LYRM1: variants seen among roughly 807,000 people sequenced by gnomAD.
The protein encoded by LYRM1 is LYR motif containing 1, also known as LYR motif-containing protein 1.
A neutral mutation model predicts 14.9 loss-of-function variants in LYRM1; 14 were observed. The ratio of observed to expected loss-of-function variants is 0.94; its 90% CI spans 0.62 to 1.47. The LOEUF (loss-of-function observed/expected upper bound fraction) is 1.47, where lower values mean the gene tolerates loss of function less well. LYRM1 is among the 40% of genes most tolerant of loss of function. The pLI is 0.00. For missense variants in LYRM1, 153 were observed against 149.9 expected (o/e 1.02, Z -0.11); for synonymous variants, 43 against 56.2 (o/e 0.77, Z 1.05).
intron 1 of LYRM1, among the ~76,000 whole-genome samples, chr16:20,910,350 CTT>C (rs749881164): frequency 3.6e-4 from 55 of 152,312 alleles, no homozygotes; most frequent in Admixed American, 7.2e-4. Context: ...ATCTTTGAAA[CTT>C]GGGTTTTCTG....
rs1484192957 is a variant in LYRM1, at chr16:20,923,980, A to C, written c.253-20A>C. ...GCAATGATGATGAATATGATTCTTC[A>C]TATTATTGTTCTTATTCAGATTCAT... On this transcript the variant is annotated intron_variant, in intron 3 of 3. Transcript: ENST00000567954. The C allele has an allele frequency of 6.8e-6, 9 of 1,321,342 alleles. No homozygotes were observed. Among genetic ancestry groups the C allele is most frequent in the Non-Finnish European group, 9.7e-6 (9 of 924,174 alleles). 81.9% of individuals were successfully genotyped at this position (1,321,342 alleles called of 1,614,324 possible).
intron 2 of LYRM1, among the ~76,000 whole-genome samples, chr16:20,917,105 A>G (rs188315649): frequency 1.3e-3 from 201 of 151,182 alleles, no homozygotes; most frequent in Non-Finnish European, 2.3e-3. Context: ...ATCTGCAGCA[A>G]CTTCCCCTTC....
intron 2 of LYRM1, among the ~76,000 whole-genome samples, chr16:20,917,260 C>A (rs1305700453): frequency 6.6e-6 from 1 of 152,094 alleles, no homozygotes; most frequent in Admixed American, 6.6e-5. Context: ...ATATGTACCC[C>A]ATGAGGTCCT....
intron 3 of LYRM1, 104 bp from the exon 4 acceptor site, chr16:20,923,896 C>T: frequency 1.6e-6 from 1 of 633,938 alleles, no homozygotes; most frequent in South Asian, 2.0e-5. Flanking sequence ...AATGTAGATA[C>T]AGCACTTAGC....
chr16:20,909,309 A>G (rs1190108515), intron 1 of LYRM1, among the ~76,000 whole-genome samples: 1 of 152,234 alleles, frequency 6.6e-6, no homozygotes, highest in East Asian at 1.9e-4. Context: ...CTTTCCAGGC[A>G]CACCTCATAT....
chr16:20,915,676 C>T lies in LYRM1; in HGVS notation c.121C>T (p.Leu41=), dbSNP rs35566731. Residue 41 remains leucine, a synonymous_variant, in exon 2 of 4, where the codon CTA becomes TTA. Transcript: ENST00000567954. ...EDTIKEKQYI[L]NEARTLFRKN... ...CACCATCAAAGAAAAACAGTACATA[C>T]TAAATGAAGCCAGAACGCTGTTCCG... 3,922 of 1,614,138 alleles carry T rather than the reference C, an allele frequency of 2.4e-3. 96 individuals carry two copies. In the African/African-American group the frequency reaches 0.047, roughly 19 times the overall value.
intron 1 of LYRM1, among the ~76,000 whole-genome samples, chr16:20,913,423 G>A (rs927134107): frequency 6.7e-6 from 1 of 150,082 alleles, no homozygotes; most frequent in Non-Finnish European, 1.5e-5. Context: ...GGTGATTCTC[G>A]TGCCTCAGCC....
At chr16:20,917,107 T>A (rs907381594) in intron 2 of LYRM1, among the ~76,000 whole-genome samples, 2 of 150,856 alleles carry the variant, frequency 1.3e-5, no homozygotes, top group African/African-American at 4.9e-5. Context: ...CTGCAGCAAC[T>A]TCCCCTTCTC....
Position 20,901,610 on chromosome 16 carries a change from G to A in LYRM1, c.-1+721G>A, listed in dbSNP as rs117120550. Among the ~76,000 whole-genome samples, 196 of 152,358 alleles carry A rather than the reference G, an allele frequency of 1.3e-3. 3 individuals are homozygous for A. In the East Asian group the frequency reaches 0.036, roughly 28 times the overall value. ...AAGCAAACAGAGCCAGGGCCGGAGT[G>A]CCCTGTGATGTAGTTGGGGAAGTGG... is the stretch of plus-strand genomic sequence containing the variant. On this transcript the variant is annotated intron_variant, in intron 1 of 3. Transcript: ENST00000567954. The surrounding 1 kb of genome is among the most constrained non-coding windows in gnomAD (Gnocchi z 4.6).
chr16:20,916,674 G>A (rs757987052), intron 2 of LYRM1, among the ~76,000 whole-genome samples: 2 of 152,122 alleles, frequency 1.3e-5, no homozygotes, highest in Admixed American at 6.5e-5. Context: ...ACCTCACCAC[G>A]GCTCAATGGT....
chr16:20,905,074 G>A (rs1419934314), intron 1 of LYRM1, among the ~76,000 whole-genome samples: 1 of 152,140 alleles, frequency 6.6e-6, no homozygotes, highest in Non-Finnish European at 1.5e-5. Context: ...AACAGCTTTA[G>A]GAAAATCCAT....
intron 2 of LYRM1, among the ~76,000 whole-genome samples, chr16:20,916,740 G>C (rs1378782518): frequency 6.6e-6 from 1 of 152,128 alleles, no homozygotes; most frequent in Non-Finnish European, 1.5e-5. Context: ...TGGCCCATTG[G>C]TGTCACAGCT....
chr16:20,910,572 C>A (rs1250494651), intron 1 of LYRM1, among the ~76,000 whole-genome samples: 1 of 152,140 alleles, frequency 6.6e-6, no homozygotes, highest in Non-Finnish European at 1.5e-5. Context: ...AACAGTGATT[C>A]TTAGAGTCAT....
At chr16:20,912,725 T>C (rs1212069891) in intron 1 of LYRM1, among the ~76,000 whole-genome samples, 1 of 152,052 alleles carries the variant, frequency 6.6e-6, no homozygotes, top group Non-Finnish European at 1.5e-5. Flanking sequence ...CTTATGAATG[T>C]TATGGGCAAA....
In LYRM1 at chr16:20,901,929, T is replaced by C. The variant is rs188992691; in HGVS notation, c.-1+1040T>C. ...TCACGAGGTCAGGAGATCGAGATCA[T>C]CCTGGCCAACATGGTGAAACCCCAT... On this transcript the variant is annotated intron_variant, in intron 1 of 3. Coordinates refer to ENST00000567954, the MANE Select transcript of LYRM1 (RefSeq NM_001128302.3). The surrounding 1 kb of genome is among the most constrained non-coding windows in gnomAD (Gnocchi z 4.6). Among the ~76,000 whole-genome samples, 730 of 152,176 alleles carry C rather than the reference T, an allele frequency of 4.8e-3. 6 individuals carry two copies. The highest frequency in any genetic ancestry group is 0.016 in the African/African-American group (667 of 41,496).
In LYRM1 at chr16:20,924,352, C is replaced by T. The variant is rs1342426104; in HGVS notation, c.*236C>T. The T allele has an allele frequency of 2.6e-6, 1 of 377,918 alleles. No individual in the cohort carries two copies. 23.4% of individuals were successfully genotyped at this position (377,918 alleles called of 1,614,324 possible). A position where few individuals can be genotyped will look rare whatever the true frequency, so the allele number is the denominator to read the frequency against. ...GGACCTTACATCCTCACTGCAGTCA[C>T]CTTTGGAAACAAGACCGAGGCCTGT... On this transcript the variant is annotated 3_prime_UTR_variant, in exon 4 of 4. Coordinates refer to ENST00000567954, the MANE Select transcript of LYRM1 (RefSeq NM_001128302.3).
chr16:20,906,519 G>A (rs1367549519), intron 1 of LYRM1, among the ~76,000 whole-genome samples: 1 of 152,192 alleles, frequency 6.6e-6, no homozygotes, highest in Non-Finnish European at 1.5e-5. Context: ...AAATGGAAAG[G>A]GGTGTTTAAC....
At chr16:20,904,935 C>T (rs115829564) in intron 1 of LYRM1, among the ~76,000 whole-genome samples, 2,020 of 152,176 alleles carry the variant, frequency 0.013, 58 homozygotes, top group African/African-American at 0.045. Context: ...GTGTTGGCAC[C>T]TGCATTATAT....
chr16:20,923,468 C>T (rs2083299750), intron 3 of LYRM1, among the ~76,000 whole-genome samples: 1 of 139,724 alleles, frequency 7.2e-6, no homozygotes, highest in Admixed American at 7.8e-5. Context: ...CACTGCACTC[C>T]AGCCTGGGTG....
Sources: allele counts gnomAD v4.1 joint callset (sites outside exome capture counted in the v4.1 genomes callset), GRCh38; gene constraint gnomAD v4.1.1; non-coding constraint Gnocchi (gnomAD v3.1); transcripts MANE v1.5; gene names NCBI Gene and HGNC (gene_info 2026-07-23, HGNC 2026-07-21).